ELP4: variants seen among roughly 807,000 people sequenced by gnomAD.
ELP4 encodes elongator complex protein 4.
ELP4 carries 51 observed loss-of-function variants against 48.9 expected under a neutral mutation model. The observed-to-expected ratio is 1.04, with a 90% CI of 0.83 to 1.32. The LOEUF (loss-of-function observed/expected upper bound fraction) is 1.32. Among genes scored for constraint, ELP4 ranks in the 40% most tolerant of loss-of-function variants. The pLI, the probability that ELP4 is intolerant of heterozygous loss-of-function variation, is 0.00. For synonymous variants in ELP4, 210 were observed against 189.2 expected, an observed-to-expected ratio of 1.11 and a Z score of -0.90; for missense variants, 519 against 514.6, an observed-to-expected ratio of 1.01 and a Z score of -0.08.
intron 2 of ELP4, among the ~76,000 whole-genome samples, chr11:31,521,301 C>G (rs1388558379): frequency 6.7e-6 from 1 of 149,894 alleles, no homozygotes; most frequent in South Asian, 2.1e-4. Context: ...TTTTTTTTAG[C>G]TTAATACAAC....
intron 5 of ELP4, among the ~76,000 whole-genome samples, chr11:31,613,519 T>G (rs1958019713): frequency 6.6e-6 from 1 of 152,130 alleles, no homozygotes; most frequent in Admixed American, 6.6e-5. Flanking sequence ...TCAAAAACAT[T>G]TTTATCAGCA....
intron 9 of ELP4, among the ~76,000 whole-genome samples, chr11:31,668,612 C>T (rs1167915560): frequency 6.7e-6 from 1 of 149,752 alleles, no homozygotes; most frequent in Non-Finnish European, 1.5e-5. Flanking sequence ...AGGTGTTCGC[C>T]ACCGCACCTA....
intron 2 of ELP4, among the ~76,000 whole-genome samples, chr11:31,528,489 A>T (rs941696826): frequency 6.6e-6 from 1 of 152,126 alleles, no homozygotes; most frequent in African/African-American, 2.4e-5. Flanking sequence ...TTACTTTTCT[A>T]CTTCTGTATT....
intron 2 of ELP4, among the ~76,000 whole-genome samples, chr11:31,527,685 C>G (rs1306230851): frequency 1.3e-5 from 2 of 152,116 alleles, no homozygotes; most frequent in African/African-American, 4.8e-5. Context: ...AATAACCTCA[C>G]TGAAACTGGC....
intron 9 of ELP4, among the ~76,000 whole-genome samples, chr11:31,758,132 TTAA>T (rs1947870305): frequency 3.9e-5 from 6 of 152,218 alleles, no homozygotes; most frequent in Admixed American, 3.9e-4. Flanking sequence ...CAAACAATGA[TTAA>T]TAATGTTATT....
At chr11:31,698,460 T>C (rs2134152354) in intron 9 of ELP4, among the ~76,000 whole-genome samples, 1 of 152,318 alleles carries the variant, frequency 6.6e-6, no homozygotes, top group East Asian at 1.9e-4. Context: ...TCACCTAGGC[T>C]GGAGTGCAGT....
At chr11:31,563,567 T>C (rs1239326992) in intron 3 of ELP4, among the ~76,000 whole-genome samples, 1 of 152,180 alleles carries the variant, frequency 6.6e-6, no homozygotes, top group Non-Finnish European at 1.5e-5. Context: ...TATATGGGAA[T>C]TTTATAATTT....
intron 9 of ELP4, among the ~76,000 whole-genome samples, chr11:31,681,402 A>C (rs1309363712): frequency 1.3e-5 from 2 of 152,244 alleles, no homozygotes; most frequent in Non-Finnish European, 2.9e-5. Flanking sequence ...AAATCAGTTC[A>C]GAAAATTAGA....
At chr11:31,652,765 T>C (rs984422370) in intron 9 of ELP4, 1 of 151,654 alleles carries the variant, frequency 6.6e-6, no homozygotes, top group Non-Finnish European at 1.5e-5. Flanking sequence ...GAAAGGTAGT[T>C]TAGCAGGGAA....
chr11:31,712,877 CATATG>C (rs1439437824), intron 9 of ELP4, among the ~76,000 whole-genome samples: 1 of 152,116 alleles, frequency 6.6e-6, no homozygotes, highest in Non-Finnish European at 1.5e-5. Flanking sequence ...GTCAGGATGC[CATATG>C]ATATCTTATT....
At chr11:31,732,955 A>G (rs1947225283) in intron 9 of ELP4, among the ~76,000 whole-genome samples, 1 of 152,208 alleles carries the variant, frequency 6.6e-6, no homozygotes, top group Non-Finnish European at 1.5e-5. Context: ...AGAAATATGC[A>G]GCAAGACAAT....
intron 7 of ELP4, among the ~76,000 whole-genome samples, chr11:31,645,139 A>G (rs561265655): frequency 1.8e-4 from 27 of 151,740 alleles, no homozygotes; most frequent in Middle Eastern, 6.3e-3. Context: ...AGTTTTTTCA[A>G]TAGACTCTTG....
intron 9 of ELP4, among the ~76,000 whole-genome samples, chr11:31,668,738 GA>G (rs1945739818): frequency 6.9e-6 from 1 of 145,054 alleles, no homozygotes; most frequent in Non-Finnish European, 1.5e-5. Context: ...CCTGTAGAGA[GA>G]AAAATAAGAA....
rs551670373 is a variant in ELP4 at position 31,681,928 on chromosome 11, A to G, written c.1143+31707A>G. The G allele has an allele frequency of 4.8e-5, 19 of 399,848 alleles. No individual in the cohort carries two copies. In the East Asian group the frequency reaches 2.0e-3, roughly 41 times the overall value. The allele number at this position is 399,848 out of a possible 1,614,324, so 24.8% of individuals were successfully genotyped here. On this transcript the variant is annotated intron_variant, in intron 9 of 9. Coordinates refer to ENST00000640961, the MANE Select transcript of ELP4 (RefSeq NM_019040.5). ...GCTAATTTTTGTATTTTTAGTAGAG[A>G]TGGGGTTCCACCATGTTGGCCAGGC...
intron 1 of ELP4, 142 bp from the exon 2 acceptor site, chr11:31,519,914 G>T: frequency 1.6e-6 from 1 of 639,564 alleles, no homozygotes; most frequent in Non-Finnish European, 2.7e-6. Flanking sequence ...CTTGAGCAAA[G>T]TATTGCAAAG....
At chr11:31,742,201 G>A (rs1341259628) in intron 9 of ELP4, among the ~76,000 whole-genome samples, 1 of 152,136 alleles carries the variant, frequency 6.6e-6, no homozygotes, top group Non-Finnish European at 1.5e-5. Flanking sequence ...AGAGAAAAAA[G>A]AATGAAAAGA....
intron 3 of ELP4, among the ~76,000 whole-genome samples, chr11:31,550,331 A>G (rs1262304137): frequency 6.6e-6 from 1 of 152,116 alleles, no homozygotes. Context: ...CATGATGGAT[A>G]TATTTTTTGT....
chr11:31,695,111 A>G (rs1256256266), intron 9 of ELP4, among the ~76,000 whole-genome samples: 1 of 152,172 alleles, frequency 6.6e-6, no homozygotes, highest in Non-Finnish European at 1.5e-5. Context: ...AACAGGGACA[A>G]TTGGACTTCC....
chr11:31,626,257 G>A (rs1209265089), intron 5 of ELP4, among the ~76,000 whole-genome samples: 1 of 151,706 alleles, frequency 6.6e-6, no homozygotes, highest in East Asian at 1.9e-4. Context: ...GCTTACTTAG[G>A]ATCACAGTAA....
Sources: allele counts gnomAD v4.1 joint callset (sites outside exome capture counted in the v4.1 genomes callset), GRCh38; gene constraint gnomAD v4.1.1; transcripts MANE v1.5; gene names NCBI Gene and HGNC (gene_info 2026-07-23, HGNC 2026-07-21).